Variants in ADGB observed in about 807,000 individuals in gnomAD.
The protein encoded by ADGB is androglobin, also known as calpain-7-like protein.
A neutral mutation model predicts 210.5 loss-of-function variants in ADGB; 172 were observed. That is an observed-to-expected ratio of 0.82 (90% CI 0.72 to 0.93). The LOEUF (loss-of-function observed/expected upper bound fraction) is 0.93. Among genes scored for constraint, ADGB ranks in the 40% least tolerant of loss-of-function variants. The pLI, the probability that ADGB is intolerant of heterozygous loss-of-function variation, is 0.00. For missense variants in ADGB, 2,025 were observed against 1,964.8 expected (o/e 1.03, Z -0.58); for synonymous variants, 658 against 662.7 (o/e 0.99, Z 0.11).
intron 20 of ADGB, among the ~76,000 whole-genome samples, chr6:146,731,384 CA>C (rs1276600217): frequency 6.6e-6 from 1 of 150,744 alleles, no homozygotes; most frequent in Admixed American, 6.6e-5. Context: ...ATAGTCTCTA[CA>C]GCTACCACTG....
rs1562274008 is a variant in ADGB, at chr6:146,685,836, T to C, written c.1311+8T>C. 1 of 1,503,382 alleles carries C rather than the reference T, an allele frequency of 6.7e-7. No homozygotes were observed. Among genetic ancestry groups the C allele is most frequent in the Non-Finnish European group, 9.0e-7 (1 of 1,113,250 alleles). 93.1% of individuals were successfully genotyped at this position (1,503,382 alleles called of 1,614,324 possible). A position where few individuals can be genotyped will look rare whatever the true frequency, so the allele number is the denominator to read the frequency against. On this transcript the variant is annotated splice_region_variant and intron_variant, in intron 10 of 35. Coordinates refer to ENST00000397944, the MANE Select transcript of ADGB (RefSeq NM_024694.4). ...TTTTCATTAGAGAAGATGGTAAGCATTCAAGCTTAGGAAACAGTATTATTT... is the reference window on the plus strand; with the variant it reads ...TTTTCATTAGAGAAGATGGTAAGCACTCAAGCTTAGGAAACAGTATTATTT...
chr6:146,783,535 A>T (rs1347406774), intron 30 of ADGB, among the ~76,000 whole-genome samples: 1 of 152,192 alleles, frequency 6.6e-6, no homozygotes, highest in African/African-American at 2.4e-5. Flanking sequence ...AAAAAATAAT[A>T]AAAGCTAATA....
At chr6:146,673,727 G>A (rs1424533873) in intron 8 of ADGB, among the ~76,000 whole-genome samples, 1 of 152,096 alleles carries the variant, frequency 6.6e-6, no homozygotes, top group Admixed American at 6.6e-5. Flanking sequence ...AAGATAGATG[G>A]TGGTACCATT....
intron 26 of ADGB, among the ~76,000 whole-genome samples, chr6:146,749,557 A>C (rs1390657896): frequency 6.6e-6 from 1 of 152,180 alleles, no homozygotes; most frequent in African/African-American, 2.4e-5. Context: ...GAGAGGTAAA[A>C]GAAGATGAGA....
Position 146,599,065 on chromosome 6 carries a change from A to G in ADGB, c.25A>G (p.Lys9Glu), listed in dbSNP as rs1358993852. The change falls in exon 1 of 36, where the codon AAA becomes GAA. Residue 9 changes from lysine to glutamate, a missense_variant. Coordinates refer to ENST00000397944, the MANE Select transcript of ADGB (RefSeq NM_024694.4). MASKQTKK[K>E]EVHRINSAHG... is the part of the protein sequence containing the mutation. The stretch of plus-strand genomic sequence containing the variant: ...CATGGCCTCCAAACAAACCAAAAAG[A>G]AAGAGGTGCATCGTATCAACTCGGC... 7 of 1,551,700 alleles carry G rather than the reference A, an allele frequency of 4.5e-6. No individual in the cohort carries two copies. Among genetic ancestry groups the G allele is most frequent in the South Asian group, 1.2e-5 (1 of 84,064 alleles).
At chr6:146,599,957 T>G (rs2114818681) in intron 1 of ADGB, among the ~76,000 whole-genome samples, 1 of 152,298 alleles carries the variant, frequency 6.6e-6, no homozygotes, top group South Asian at 2.1e-4. Flanking sequence ...CATTTCAAAT[T>G]GAATTCTTAC....
chr6:146,752,801 C>T (rs1777343141), intron 27 of ADGB, 87 bp downstream of exon 27: 5 of 1,227,492 alleles, frequency 4.1e-6, no homozygotes, highest in Non-Finnish European at 5.4e-6. Context: ...AATAAAGTAG[C>T]AAGTAACCAC....
Position 146,724,456 on chromosome 6 carries a change from C to T in ADGB, c.2237+129C>T, listed in dbSNP as rs187256216. ...CAAAGCAATTTCTCAAGGCATAGGTCCATGATTATTATTCTTGAGAAAAAT... is the reference window on the plus strand; with the variant it reads ...CAAAGCAATTTCTCAAGGCATAGGTTCATGATTATTATTCTTGAGAAAAAT... On this transcript the variant is annotated intron_variant, in intron 18 of 35. Coordinates refer to ENST00000397944, the MANE Select transcript of ADGB (RefSeq NM_024694.4). The T allele has an allele frequency of 5.8e-4, 510 of 884,558 alleles. 2 individuals are homozygous for T. In the African/African-American group the frequency reaches 8.0e-3, roughly 14 times the overall value. 54.8% of individuals were successfully genotyped at this position (884,558 alleles called of 1,614,324 possible). A position where few individuals can be genotyped will look rare whatever the true frequency, so the allele number is the denominator to read the frequency against.
rs1170106001 is a variant in ADGB, at chr6:146,740,620, T to C, written c.3023+27T>C. 5 of 1,543,094 alleles carry C rather than the reference T, an allele frequency of 3.2e-6. No homozygotes were observed. The Admixed American group carries it at 6.0e-5, about 19-fold the overall frequency. ...TGAGGTTGTTATATAGTGACAAATATGTCTCTAAATGGCTTGCAATATCTG... is the reference window on the plus strand; with the variant it reads ...TGAGGTTGTTATATAGTGACAAATACGTCTCTAAATGGCTTGCAATATCTG... On this transcript the variant is annotated intron_variant, in intron 24 of 35. Coordinates refer to ENST00000397944, the MANE Select transcript of ADGB (RefSeq NM_024694.4).
At chr6:146,663,505 T>A (rs560443266) in intron 5 of ADGB, among the ~76,000 whole-genome samples, 1 of 152,088 alleles carries the variant, frequency 6.6e-6, no homozygotes, top group South Asian at 2.1e-4. Context: ...GGCTTTACCC[T>A]CCTTTTTACC....
Position 146,656,945 on chromosome 6 carries a change from A to G in ADGB, c.577A>G (p.Ser193Gly). The change falls in exon 5 of 36, where the codon AGC (serine) becomes GGC (glycine). Residue 193 changes from serine (S) to glycine (G), a missense_variant. Coordinates refer to ENST00000397944, the MANE Select transcript of ADGB (RefSeq NM_024694.4). ...AVKGHMPLFNSYGKYVVKLYW... is the reference protein window; with the variant it reads ...AVKGHMPLFNGYGKYVVKLYW... ...GAAGGGTCATATGCCTTTGTTCAAT[A>G]GCTATGGAAAGTATGTTGTGAAACT... The G allele has an allele frequency of 1.3e-6, 2 of 1,551,508 alleles. No individual in the cohort carries two copies. The highest frequency in any genetic ancestry group is 8.7e-7 in the Non-Finnish European group (1 of 1,146,836).
chr6:146,802,153 C>T lies in ADGB; in HGVS notation c.4818+142C>T, dbSNP rs898081029. The T allele has an allele frequency of 2.4e-5, 13 of 544,022 alleles. No homozygotes were observed. The South Asian group carries it at 6.6e-4, about 28-fold the overall frequency. The allele number at this position is 544,022 out of a possible 1,614,324, so 33.7% of individuals were successfully genotyped here. On this transcript the variant is annotated intron_variant, in intron 35 of 35. Transcript: ENST00000397944. ...CTATTATTCACAACTTCTAGGAAAA[C>T]ATCACAAATTTGATTCTACACATCT...
rs1465705229 is a variant in ADGB, at chr6:146,685,767, T to G, written c.1250T>G (p.Val417Gly). The change falls in exon 10 of 36, where the codon GTA (valine) becomes GGA (glycine). Residue 417 changes from valine (V) to glycine (G), a missense_variant. Transcript: ENST00000397944. ...SSAIQTSHMV[V>G]YATFTPLYLF... ...GCAATACAGACCTCTCATATGGTCG[T>G]ATATGCGACATTTACACCTCTTTAT... The G allele has an allele frequency of 4.5e-6, 7 of 1,541,912 alleles. No individual in the cohort carries two copies. Among genetic ancestry groups the G allele is most frequent in the African/African-American group, 1.4e-5 (1 of 72,292 alleles).
At chr6:146,812,935 C>G (rs28722930) in intron 35 of ADGB, among the ~76,000 whole-genome samples, 1 of 152,168 alleles carries the variant, frequency 6.6e-6, no homozygotes. Context: ...AAAGAATGGC[C>G]GTGTTGCATG....
chr6:146,808,535 G>T (rs368411061), intron 35 of ADGB, among the ~76,000 whole-genome samples: 8 of 152,250 alleles, frequency 5.3e-5, no homozygotes, highest in African/African-American at 1.9e-4. Flanking sequence ...GCAATGAGTG[G>T]ATTTAACTGA....
intron 20 of ADGB, among the ~76,000 whole-genome samples, chr6:146,730,229 T>C (rs1425858703): frequency 6.6e-6 from 1 of 152,120 alleles, no homozygotes; most frequent in East Asian, 1.9e-4. Context: ...GAAATATAAC[T>C]AGAAATAAAA....
chr6:146,641,983 G>T (rs1775523167), intron 2 of ADGB, among the ~76,000 whole-genome samples: 1 of 152,008 alleles, frequency 6.6e-6, no homozygotes, highest in Non-Finnish European at 1.5e-5. Flanking sequence ...CAGAATGGGA[G>T]AAAATATTTG....
chr6:146,803,725 G>A (rs991844764), intron 35 of ADGB: 31 of 939,494 alleles, frequency 3.3e-5, no homozygotes, highest in Non-Finnish European at 5.0e-5. Flanking sequence ...CTTAAGTACC[G>A]GCGCCTCATG....
intron 16 of ADGB, among the ~76,000 whole-genome samples, chr6:146,719,886 A>C (rs762111625): frequency 3.8e-4 from 58 of 152,232 alleles, no homozygotes; most frequent in Non-Finnish European, 7.2e-4. Flanking sequence ...CACAGCTGAC[A>C]GGATGCAAAT....
Sources: allele counts gnomAD v4.1 joint callset (sites outside exome capture counted in the v4.1 genomes callset), GRCh38; gene constraint gnomAD v4.1.1; transcripts MANE v1.5; gene names NCBI Gene and HGNC (gene_info 2026-07-23, HGNC 2026-07-21).